Variants in UCN3 observed in about 807,000 individuals in gnomAD.
The protein encoded by UCN3 is urocortin-3.
Under a neutral mutation model 3.6 loss-of-function variants are expected in UCN3, and 3 were observed. The ratio of observed to expected loss-of-function variants is 0.83; its 90% CI spans 0.38 to 2.15. The LOEUF (loss-of-function observed/expected upper bound fraction) is 2.15, where lower values mean the gene tolerates loss of function less well. Ranked by LOEUF, UCN3 falls within the 30% of genes most tolerant of loss-of-function variation. The pLI, the probability that UCN3 is intolerant of heterozygous loss-of-function variation, is 0.06. For synonymous variants in UCN3, 100 were observed against 93.2 expected (o/e 1.07, Z -0.42); for missense variants, 206 against 208.3 (o/e 0.99, Z 0.07).
At chr10:5,368,612 C>T (rs901030697) in intron 1 of UCN3, among the ~76,000 whole-genome samples, 4 of 152,098 alleles carry the variant, frequency 2.6e-5, no homozygotes, top group African/African-American at 9.7e-5. Flanking sequence ...CCACCACTTT[C>T]CCCCCAGTAT....
At chr10:5,372,171 G>A (rs575127396) in intron 1 of UCN3, among the ~76,000 whole-genome samples, 2 of 152,344 alleles carry the variant, frequency 1.3e-5, no homozygotes, top group South Asian at 2.1e-4. Context: ...TTATTACAGG[G>A]CTGGGGAGAG....
chr10:5,368,500 G>C (rs1167270256), intron 1 of UCN3, among the ~76,000 whole-genome samples: 3 of 152,188 alleles, frequency 2.0e-5, no homozygotes, highest in Non-Finnish European at 4.4e-5. Context: ...TGAGGTCCTG[G>C]GCGGTTAGGC....
At chr10:5,373,530 A>C (rs1281366830) in intron 1 of UCN3, among the ~76,000 whole-genome samples, 185 bp from the exon 2 acceptor site, 3 of 152,164 alleles carry the variant, frequency 2.0e-5, no homozygotes, top group Admixed American at 6.5e-5. Flanking sequence ...TTCTGGAAAA[A>C]GACCTGAGAA....
intron 1 of UCN3, among the ~76,000 whole-genome samples, chr10:5,370,964 G>A (rs111207955): frequency 0.19 from 27,101 of 140,936 alleles, 3,998 homozygotes; most frequent in Admixed American, 0.3. Context: ...AGGTGTGTGT[G>A]TGTGTATGTA....
chr10:5,370,325 A>G (rs797043186), intron 1 of UCN3, among the ~76,000 whole-genome samples: 478 of 35,134 alleles, frequency 0.014, 87 homozygotes, highest in Middle Eastern at 0.05. Context: ...ATGTGTGTGT[A>G]TATGCGTGTG....
At chr10:5,371,077 T>C (rs1182172977) in intron 1 of UCN3, among the ~76,000 whole-genome samples, 1 of 151,122 alleles carries the variant, frequency 6.6e-6, no homozygotes, top group Non-Finnish European at 1.5e-5. Context: ...GTGAGGTGTG[T>C]ATGTGTGTGC....
chr10:5,370,449 GTGTGTGTATA>G (rs1330959603), intron 1 of UCN3, among the ~76,000 whole-genome samples: 4 of 115,336 alleles, frequency 3.5e-5, no homozygotes, highest in African/African-American at 7.0e-5. Context: ...GTGTGTATGT[GTGTGTGTATA>G]TGTGTGTATA....
chr10:5,372,716 A>ATTTTTT, intron 1 of UCN3, among the ~76,000 whole-genome samples: 1 of 127,690 alleles, frequency 7.8e-6, no homozygotes, highest in Non-Finnish European at 1.6e-5. Flanking sequence ...CGCCCAGCTA[A>ATTTTTT]TTTTTTTTTT....
chr10:5,373,618 T>C, intron 1 of UCN3, 97 bp from the exon 2 acceptor site: 7 of 1,513,964 alleles, frequency 4.6e-6, no homozygotes, highest in South Asian at 1.3e-5. Context: ...ACCCTTGTAG[T>C]GGAACATTAA....
At chr10:5,368,764 C>T (rs1831291135) in intron 1 of UCN3, among the ~76,000 whole-genome samples, 1 of 152,162 alleles carries the variant, frequency 6.6e-6, no homozygotes, top group Non-Finnish European at 1.5e-5. Flanking sequence ...AAAAACAACT[C>T]ATTAGGTCCT....
In UCN3 at chr10:5,365,755, C is replaced by T. The variant is rs1834111403; in HGVS notation, c.-7+525C>T. On this transcript the variant is annotated intron_variant, in intron 1 of 1. Transcript: ENST00000380433. The surrounding 1 kb of genome is among the most constrained non-coding windows in gnomAD (Gnocchi z 4.4). ...AGCAGGTAACGTCTCCTTCCTAGGA[C>T]GCGGCAAGTGAAATGCAGGTTAAGG... 6.6e-6 allele frequency among the ~76,000 whole-genome samples: 1 copy of T among 152,136 alleles called. No individual in the cohort carries two copies.
chr10:5,370,896 C>A (rs868985874), intron 1 of UCN3, among the ~76,000 whole-genome samples: 2 of 60,928 alleles, frequency 3.3e-5, no homozygotes, highest in African/African-American at 5.9e-5. Flanking sequence ...TGTGTATATG[C>A]GTGTGTATAT....
rs1175519912 is a variant in UCN3 at position 5,370,007 on chromosome 10, A to ATG, written c.-6-3700_-6-3699dup. On this transcript the variant is annotated intron_variant, in intron 1 of 1. Transcript: ENST00000380433. ...TGTATATGTGTGTATGTGTGTGTGT[A>ATG]TGTGTGTGTATATGTGTGTGTATAT... Among the ~76,000 whole-genome samples, 14 of 34,990 alleles carry ATG rather than the reference A, an allele frequency of 4.0e-4. 4 individuals are homozygous for ATG. The highest frequency in any genetic ancestry group is 1.7e-3 in the South Asian group (2 of 1,158). 23.0% of individuals were successfully genotyped at this position (34,990 alleles called of 152,430 possible).
intron 1 of UCN3, among the ~76,000 whole-genome samples, chr10:5,370,274 C>T (rs367789859): frequency 2.2e-4 from 7 of 32,044 alleles, no homozygotes; most frequent in Non-Finnish European, 3.5e-4. Flanking sequence ...TGTGTATATG[C>T]GTGTGTATAT....
At chr10:5,372,848 C>A (rs984143401) in intron 1 of UCN3, among the ~76,000 whole-genome samples, 1 of 151,814 alleles carries the variant, frequency 6.6e-6, no homozygotes, top group Non-Finnish European at 1.5e-5. Flanking sequence ...AGCCACCGTG[C>A]CTGGCCAGTT....
intron 1 of UCN3, among the ~76,000 whole-genome samples, chr10:5,368,540 G>C (rs926026504): frequency 6.6e-6 from 1 of 152,194 alleles, no homozygotes; most frequent in Non-Finnish European, 1.5e-5. Flanking sequence ...GGACAGGACT[G>C]AGTCTGGTAG....
chr10:5,370,022 T>C (rs200307050), intron 1 of UCN3, among the ~76,000 whole-genome samples: 1,529 of 61,254 alleles, frequency 0.025, 267 homozygotes, highest in Middle Eastern at 0.045. Flanking sequence ...TGTGTATATG[T>C]GTGTGTATAT....
intron 1 of UCN3, among the ~76,000 whole-genome samples, chr10:5,370,840 C>CAT (rs1564443633): frequency 3.4e-4 from 14 of 40,730 alleles, no homozygotes; most frequent in African/African-American, 1.5e-3. Context: ...TGTGTGTGCG[C>CAT]GTGTGTGTGC....
intron 1 of UCN3, among the ~76,000 whole-genome samples, chr10:5,369,593 C>T (rs1831304885): frequency 6.6e-6 from 1 of 152,210 alleles, no homozygotes; most frequent in African/African-American, 2.4e-5. Flanking sequence ...TCTCACTTCG[C>T]CAGGCAACAT....
Sources: gnomAD v4.1 joint callset for allele counts (sites outside exome capture counted in the v4.1 genomes callset) on GRCh38, gnomAD v4.1.1 for gene constraint, Gnocchi (gnomAD v3.1) non-coding constraint, MANE v1.5 for transcripts, NCBI Gene and HGNC (gene_info 2026-07-23, HGNC 2026-07-21) for gene names.